The following SEMA3C variants were observed in gnomAD, a reference collection of about 807,000 sequenced individuals.
SEMA3C encodes the protein semaphorin-3C.
A neutral mutation model predicts 89.4 loss-of-function variants in SEMA3C; 47 were observed. The observed-to-expected ratio is 0.53, with a 90% confidence interval of 0.42 to 0.67. The LOEUF is 0.67. SEMA3C is among the 30% of genes least tolerant of loss of function. SEMA3C has a pLI of 0.00. For synonymous variants in SEMA3C, 310 were observed against 320.2 expected (o/e 0.97, Z 0.34); for missense variants, 839 against 929.1 (o/e 0.90, Z 1.26).
intron 2 of SEMA3C, among the ~76,000 whole-genome samples, chr7:80,889,681 G>C (rs1431495916): frequency 1.3e-5 from 2 of 151,784 alleles, no homozygotes; most frequent in Non-Finnish European, 2.9e-5. Flanking sequence ...GCAGAGATGT[G>C]GTTATTACAA....
intron 12 of SEMA3C, among the ~76,000 whole-genome samples, chr7:80,770,644 C>A (rs1054842056): frequency 6.6e-6 from 1 of 152,230 alleles, no homozygotes; most frequent in Non-Finnish European, 1.5e-5. Flanking sequence ...TTCGGAAACA[C>A]CACCTACCTC....
Position 80,867,430 on chromosome 7 carries a change from T to C in SEMA3C, c.104-38685A>G, listed in dbSNP as rs1790953990. 2.0e-5 allele frequency among the ~76,000 whole-genome samples: 3 copies of C among 152,248 alleles called. No homozygotes were observed. The South Asian group carries it at 6.2e-4, about 32-fold the overall frequency. On this transcript the variant is annotated intron_variant, in intron 2 of 17. Coordinates refer to ENST00000265361, the MANE Select transcript of SEMA3C (RefSeq NM_006379.5). ...AAATTTCTTTATATTGGGCCCCACA[T>C]ACTGAGCAAAGTGCCAATATTTCAA...
intron 2 of SEMA3C, among the ~76,000 whole-genome samples, chr7:80,837,969 C>A (rs547671254): frequency 9.9e-5 from 15 of 152,238 alleles, no homozygotes; most frequent in Non-Finnish European, 1.2e-4. Flanking sequence ...ACATGAAACA[C>A]AGGTCTTTGT....
rs145889223 is a variant in SEMA3C at position 80,911,185 on chromosome 7, A to C, written c.103+5494T>G. On this transcript the variant is annotated intron_variant, in intron 2 of 17. Transcript: ENST00000265361. ...TGTAAAATTCTAGCATGACATAGTT[A>C]ACATGATATGTTTACAGAATATCTT... Among the ~76,000 whole-genome samples the C allele has an allele frequency of 8.8e-4, 134 of 152,322 alleles. 1 individual carries two copies. The East Asian group carries it at 0.023, about 26-fold the overall frequency.
At chr7:80,835,748 G>A (rs1790110795) in intron 2 of SEMA3C, among the ~76,000 whole-genome samples, 2 of 152,170 alleles carry the variant, frequency 1.3e-5, no homozygotes, top group Non-Finnish European at 2.9e-5. Flanking sequence ...GGGCTTACCA[G>A]TAGCAGCAAG....
At position 80,913,299 on chromosome 7, in the gene SEMA3C, G is replaced by A. The variant is rs147703534; in HGVS notation, c.103+3380C>T. Among the ~76,000 whole-genome samples, 369 of 152,258 alleles carry A rather than the reference G, an allele frequency of 2.4e-3. 5 individuals carry two copies. The highest frequency in any genetic ancestry group is 8.7e-3 in the African/African-American group (363 of 41,540). On this transcript the variant is annotated intron_variant, in intron 2 of 17. Transcript: ENST00000265361. Reference sequence around the variant, plus strand: ...ACCTGTAATCCCAGCTACTCGGGAGGCTGAGGCAGGACAATTGCTTGAACC... The same window carrying A: ...ACCTGTAATCCCAGCTACTCGGGAGACTGAGGCAGGACAATTGCTTGAACC...
Position 80,810,410 on chromosome 7 carries a change from A to C in SEMA3C, c.538+201T>G, listed in dbSNP as rs111336924. ...CTACTCTGGGAATGACAAAACTGTC[A>C]TAAGTTACATGCTTATTATTTAATC... On this transcript the variant is annotated intron_variant, in intron 6 of 17. Transcript: ENST00000265361. Among the ~76,000 whole-genome samples the C allele has an allele frequency of 9.7e-3, 1,470 of 152,296 alleles. 22 individuals are homozygous for C. The highest frequency in any genetic ancestry group is 0.033 in the African/African-American group (1,392 of 41,566).
intron 2 of SEMA3C, among the ~76,000 whole-genome samples, chr7:80,888,555 A>G (rs1791537199): frequency 6.6e-6 from 1 of 152,196 alleles, no homozygotes; most frequent in Admixed American, 6.5e-5. Flanking sequence ...TGTAGCAAAG[A>G]AACATCTAGG....
chr7:80,883,780 CA>C (rs935950169), intron 2 of SEMA3C, among the ~76,000 whole-genome samples: 4 of 151,656 alleles, frequency 2.6e-5, no homozygotes, highest in Non-Finnish European at 5.9e-5. Flanking sequence ...AAATCATGAG[CA>C]AAAAAAATGA....
At chr7:80,770,283 A>G (rs938136292) in intron 12 of SEMA3C, among the ~76,000 whole-genome samples, 2 of 152,244 alleles carry the variant, frequency 1.3e-5, no homozygotes, top group African/African-American at 4.8e-5. Flanking sequence ...ATGTCCACAT[A>G]AAGCCATCTG....
At chr7:80,901,024 C>A (rs890610981) in intron 2 of SEMA3C, among the ~76,000 whole-genome samples, 3 of 152,126 alleles carry the variant, frequency 2.0e-5, no homozygotes, top group Admixed American at 2.0e-4. Context: ...TTGCACTAAA[C>A]AGTTCTGGCA....
At chr7:80,921,555 CT>C (rs1194067909), upstream of SEMA3C, among the ~76,000 whole-genome samples, 1 of 152,200 alleles carries the variant, frequency 6.6e-6, no homozygotes, top group African/African-American at 2.4e-5. Flanking sequence ...TCAGCTTTGA[CT>C]GTCCTTACAA....
intron 4 of SEMA3C, among the ~76,000 whole-genome samples, chr7:80,818,626 A>G (rs541209612): frequency 2.8e-4 from 42 of 152,264 alleles, no homozygotes; most frequent in African/African-American, 8.7e-4. Context: ...ATACGCTAAC[A>G]CTAACAATAG....
chr7:80,772,918 G>A (rs151211391), intron 12 of SEMA3C, among the ~76,000 whole-genome samples: 1 of 152,078 alleles, frequency 6.6e-6, no homozygotes, highest in Admixed American at 6.5e-5. Flanking sequence ...AGTCACCTTG[G>A]GAGTTTACTA....
intron 2 of SEMA3C, among the ~76,000 whole-genome samples, chr7:80,871,289 A>G (rs1024180691): frequency 2.6e-5 from 4 of 152,208 alleles, no homozygotes; most frequent in Non-Finnish European, 4.4e-5. Context: ...GTACAAAATA[A>G]TCTTTCTAAT....
chr7:80,747,870 G>C (rs1390430917), intron 17 of SEMA3C, among the ~76,000 whole-genome samples: 1 of 151,998 alleles, frequency 6.6e-6, no homozygotes, highest in Non-Finnish European at 1.5e-5. Context: ...CAGTAATGAG[G>C]GACACACAAT....
chr7:80,771,539 C>T (rs999674285), intron 12 of SEMA3C, among the ~76,000 whole-genome samples: 3 of 152,080 alleles, frequency 2.0e-5, no homozygotes, highest in Non-Finnish European at 2.9e-5. Flanking sequence ...TAAACCTTTC[C>T]ACTGTCTCTA....
At chr7:80,855,480 G>C (rs1342165619) in intron 2 of SEMA3C, among the ~76,000 whole-genome samples, 1 of 152,050 alleles carries the variant, frequency 6.6e-6, no homozygotes, top group Non-Finnish European at 1.5e-5. Context: ...ATGTTGCCCA[G>C]GCTGGTCTAG....
intron 12 of SEMA3C, among the ~76,000 whole-genome samples, chr7:80,774,198 C>T (rs1033013547): frequency 2.6e-5 from 4 of 152,072 alleles, no homozygotes; most frequent in Non-Finnish European, 5.9e-5. Context: ...AAGTGATCAG[C>T]TAATAATAAA....
Sources: gnomAD v4.1 joint callset for allele counts (sites outside exome capture counted in the v4.1 genomes callset) on GRCh38, gnomAD v4.1.1 for gene constraint, MANE v1.5 for transcripts, NCBI Gene and HGNC (gene_info 2026-07-23, HGNC 2026-07-21) for gene names.